Variants in ADGRB3 observed in about 807,000 individuals in gnomAD.
ADGRB3 encodes the protein adhesion G protein-coupled receptor B3, also known as brain-specific angiogenesis inhibitor 3.
Under a neutral mutation model 193.4 loss-of-function variants are expected in ADGRB3, and 37 were observed. That is an observed-to-expected ratio of 0.19 (90% confidence interval 0.15 to 0.25). ADGRB3 has a LOEUF of 0.25. Among genes scored for constraint, ADGRB3 ranks in the 10% least tolerant of loss-of-function variants. The pLI, the probability that ADGRB3 is intolerant of heterozygous loss-of-function variation, is 1.00. For missense variants in ADGRB3, 1,637 were observed against 1,852.9 expected (o/e 0.88, Z 2.14); for synonymous variants, 690 against 644.2 (o/e 1.07, Z -1.08).
At chr6:69,026,385 A>G (rs1770433640) in intron 13 of ADGRB3, among the ~76,000 whole-genome samples, 1 of 152,196 alleles carries the variant, frequency 6.6e-6, no homozygotes, top group African/African-American at 2.4e-5. Context: ...TTCAGACAGA[A>G]GAAACAATAA....
rs114384881 is a variant in ADGRB3 at position 69,355,175 on chromosome 6, A to C, written c.3556-646A>C. On this transcript the variant is annotated intron_variant, in intron 27 of 31. Coordinates refer to ENST00000370598, the MANE Select transcript of ADGRB3 (RefSeq NM_001704.3). The stretch of plus-strand genomic sequence containing the variant: ...GGAAGACCCTGATCAAGATAATGAA[A>C]TTTTATCATTTCAAAACATTAATTG... Among the ~76,000 whole-genome samples, 735 of 152,300 alleles carry C rather than the reference A, an allele frequency of 4.8e-3. 3 individuals carry two copies. The highest frequency in any genetic ancestry group is 0.017 in the African/African-American group (703 of 41,564).
intron 3 of ADGRB3, among the ~76,000 whole-genome samples, chr6:68,884,589 G>T (rs1356119729): frequency 6.6e-6 from 1 of 152,112 alleles, no homozygotes; most frequent in East Asian, 1.9e-4. Flanking sequence ...TCTGAGATGA[G>T]GTTGGAGACA....
chr6:68,815,652 T>G (rs1385317769), intron 3 of ADGRB3, among the ~76,000 whole-genome samples: 1 of 146,944 alleles, frequency 6.8e-6, no homozygotes, highest in East Asian at 2.0e-4. Context: ...CATGTAGATC[T>G]CATTTGATGT....
Position 69,348,824 on chromosome 6 carries a change from T to A in ADGRB3, c.3460-5409T>A, listed in dbSNP as rs182464031. The stretch of plus-strand genomic sequence containing the variant: ...AATAAAGGTTCAAACTGAAAACTTA[T>A]TAACTCATGTCTTATTTTTTATCTA... On this transcript the variant is annotated intron_variant, in intron 26 of 31. Transcript: ENST00000370598. Among the ~76,000 whole-genome samples the A allele has an allele frequency of 3.9e-5, 6 of 152,358 alleles. No homozygotes were observed. The East Asian group carries it at 1.2e-3, about 29-fold the overall frequency.
chr6:68,732,631 A>C (rs574580853), intron 3 of ADGRB3, among the ~76,000 whole-genome samples: 1 of 152,016 alleles, frequency 6.6e-6, no homozygotes, highest in African/African-American at 2.4e-5. Flanking sequence ...CTGAGGTGGA[A>C]CAATAGTCAG....
At chr6:68,760,051 G>A (rs1766368381) in intron 3 of ADGRB3, among the ~76,000 whole-genome samples, 1 of 152,022 alleles carries the variant, frequency 6.6e-6, no homozygotes, top group Non-Finnish European at 1.5e-5. Context: ...TACATAATTT[G>A]CTAGTTTGAC....
intron 6 of ADGRB3, among the ~76,000 whole-genome samples, chr6:68,953,310 A>T (rs1266474987): frequency 6.6e-6 from 1 of 152,194 alleles, no homozygotes; most frequent in African/African-American, 2.4e-5. Context: ...CACTAAGATT[A>T]GCTTAGCAGC....
chr6:68,895,384 C>G (rs748701130), intron 3 of ADGRB3, among the ~76,000 whole-genome samples: 30 of 151,724 alleles, frequency 2.0e-4, no homozygotes, highest in Admixed American at 2.6e-4. Context: ...CAGGATTTTG[C>G]AAAATTTTGT....
At chr6:68,739,181 G>A (rs897493254) in intron 3 of ADGRB3, among the ~76,000 whole-genome samples, 7 of 152,130 alleles carry the variant, frequency 4.6e-5, no homozygotes, top group Admixed American at 3.9e-4. Context: ...AAAGGTAGAA[G>A]GCTGAATGAC....
chr6:68,780,395 C>T, intron 3 of ADGRB3, among the ~76,000 whole-genome samples: 1 of 152,062 alleles, frequency 6.6e-6, no homozygotes, highest in Admixed American at 6.6e-5. Flanking sequence ...GATGACTAAA[C>T]CTTCAAGCAG....
At chr6:69,376,528 C>G (rs987420929) in intron 30 of ADGRB3, among the ~76,000 whole-genome samples, 3 of 151,364 alleles carry the variant, frequency 2.0e-5, no homozygotes, top group East Asian at 1.9e-4. Flanking sequence ...GACACAGACA[C>G]AGGGTAATCA....
intron 3 of ADGRB3, among the ~76,000 whole-genome samples, chr6:68,871,397 C>G (rs556154302): frequency 3.3e-5 from 5 of 152,158 alleles, no homozygotes; most frequent in South Asian, 2.1e-4. Flanking sequence ...TTAACTTAGG[C>G]AAATTTAATG....
At chr6:69,353,406 T>A (rs139754532) in intron 26 of ADGRB3, among the ~76,000 whole-genome samples, 1 of 152,316 alleles carries the variant, frequency 6.6e-6, no homozygotes, top group African/African-American at 2.4e-5. Flanking sequence ...TTGTTTTAAA[T>A]CAGGGCACAT....
intron 3 of ADGRB3, among the ~76,000 whole-genome samples, chr6:68,858,737 T>C (rs1327333719): frequency 6.6e-6 from 1 of 152,110 alleles, no homozygotes; most frequent in Admixed American, 6.5e-5. Flanking sequence ...AGCAATAGCC[T>C]GAGCTCTACA....
At chr6:69,186,178 CA>C (rs70987457) in intron 17 of ADGRB3, among the ~76,000 whole-genome samples, 44,811 of 107,416 alleles carry the variant, frequency 0.42, 7,336 homozygotes, top group African/African-American at 0.51. Flanking sequence ...AATGAAATAG[CA>C]AAAAAAAAAA....
intron 20 of ADGRB3, among the ~76,000 whole-genome samples, chr6:69,264,971 T>C (rs1389151377): frequency 6.6e-6 from 1 of 151,944 alleles, no homozygotes; most frequent in East Asian, 1.9e-4. Context: ...CTTCTTTCTC[T>C]CTCTCTGTTT....
At chr6:68,957,500 G>T (rs1768107535) in intron 8 of ADGRB3, among the ~76,000 whole-genome samples, 1 of 152,132 alleles carries the variant, frequency 6.6e-6, no homozygotes, top group South Asian at 2.1e-4. Context: ...GTATACTAAA[G>T]ATGTGATAGG....
At chr6:68,782,538 G>T (rs1288138882) in intron 3 of ADGRB3, among the ~76,000 whole-genome samples, 1 of 152,076 alleles carries the variant, frequency 6.6e-6, no homozygotes, top group Non-Finnish European at 1.5e-5. Context: ...GATCCCTGAG[G>T]AATCGCCACA....
chr6:68,994,398 A>G (rs919103900), intron 11 of ADGRB3, among the ~76,000 whole-genome samples: 1 of 152,200 alleles, frequency 6.6e-6, no homozygotes, highest in African/African-American at 2.4e-5. Flanking sequence ...TTAGTGGGGG[A>G]AAAACATATT....
Sources: gnomAD v4.1 joint callset for allele counts (sites outside exome capture counted in the v4.1 genomes callset) on GRCh38, gnomAD v4.1.1 for gene constraint, MANE v1.5 for transcripts, NCBI Gene and HGNC (gene_info 2026-07-23, HGNC 2026-07-21) for gene names.